SOX6: variants seen among roughly 807,000 people sequenced by gnomAD.
The protein encoded by SOX6 is transcription factor SOX-6.
A neutral mutation model predicts 97.8 loss-of-function variants in SOX6; 11 were observed. The observed-to-expected ratio is 0.11, with a 90% CI of 0.07 to 0.19. SOX6 has a LOEUF of 0.19. Among genes scored for constraint, SOX6 ranks in the 10% least tolerant of loss-of-function variants. The pLI is 1.00. For synonymous variants in SOX6, 360 were observed against 371.4 expected (o/e 0.97, Z 0.35); for missense variants, 810 against 1,039.5 (o/e 0.78, Z 3.04).
intron 2 of SOX6, among the ~76,000 whole-genome samples, chr11:16,333,553 T>G (rs1430931020): frequency 6.6e-6 from 1 of 152,044 alleles, no homozygotes; most frequent in Non-Finnish European, 1.5e-5. Context: ...TGTCCCAAGA[T>G]TAGCTTCCAT....
intron 3 of SOX6, among the ~76,000 whole-genome samples, chr11:16,708,905 T>C (rs1848156478): frequency 6.6e-6 from 1 of 152,234 alleles, no homozygotes; most frequent in Non-Finnish European, 1.5e-5. Context: ...GACATTACTT[T>C]CTGGCAAAAC....
At chr11:16,015,555 A>G (rs1239842874) in intron 12 of SOX6, among the ~76,000 whole-genome samples, 2 of 152,018 alleles carry the variant, frequency 1.3e-5, no homozygotes, top group African/African-American at 4.8e-5. Context: ...GATTGATACT[A>G]CTATTTTGTC....
intron 3 of SOX6, among the ~76,000 whole-genome samples, chr11:16,297,129 AT>A (rs1326822464): frequency 6.6e-6 from 1 of 152,184 alleles, no homozygotes; most frequent in Admixed American, 6.6e-5. Flanking sequence ...AGAATGCAAA[AT>A]AACATTTAAT....
intron 6 of SOX6, among the ~76,000 whole-genome samples, chr11:16,143,616 G>T (rs1850209211): frequency 6.6e-6 from 1 of 152,132 alleles, no homozygotes; most frequent in African/African-American, 2.4e-5. Context: ...CATTTCACGT[G>T]CAGAGACACA....
At chr11:16,024,064 T>G (rs1462716217) in intron 12 of SOX6, among the ~76,000 whole-genome samples, 1 of 152,028 alleles carries the variant, frequency 6.6e-6, no homozygotes, top group East Asian at 1.9e-4. Flanking sequence ...GCTCTTAGGG[T>G]GGGTCCTAAT....
chr11:16,669,594 C>T (rs1368732982), intron 3 of SOX6, among the ~76,000 whole-genome samples: 1 of 152,346 alleles, frequency 6.6e-6, no homozygotes, highest in East Asian at 1.9e-4. Context: ...CTCTGCAATT[C>T]CCTGGACAGA....
At chr11:16,472,763 C>A (rs1205609446) in intron 1 of SOX6, among the ~76,000 whole-genome samples, 2 of 151,950 alleles carry the variant, frequency 1.3e-5, no homozygotes, top group African/African-American at 4.8e-5. Flanking sequence ...TTCAATAGCT[C>A]TGCTTAAATA....
intron 13 of SOX6, among the ~76,000 whole-genome samples, chr11:15,994,221 T>C (rs528824658): frequency 4.3e-4 from 66 of 152,088 alleles, no homozygotes; most frequent in Non-Finnish European, 7.5e-4. Context: ...ACTAACACAA[T>C]TGGAGTGGAC....
chr11:16,116,596 G>A (rs1009414470), intron 6 of SOX6, among the ~76,000 whole-genome samples: 2 of 152,168 alleles, frequency 1.3e-5, no homozygotes, highest in Non-Finnish European at 2.9e-5. Flanking sequence ...TTCCCCAAAT[G>A]ATAACATCTT....
intron 15 of SOX6, among the ~76,000 whole-genome samples, chr11:15,979,585 A>G (rs1853602307): frequency 6.6e-6 from 1 of 152,148 alleles, no homozygotes; most frequent in African/African-American, 2.4e-5. Context: ...TATGAAGACT[A>G]TGGCTTAAAA....
intron 4 of SOX6, among the ~76,000 whole-genome samples, chr11:16,196,763 C>G (rs550824128): frequency 6.6e-6 from 1 of 151,652 alleles, no homozygotes; most frequent in South Asian, 2.1e-4. Context: ...CTTGGACTCT[C>G]AAATGGTAGA....
At chr11:16,612,274 A>T (rs1848407412) in intron 3 of SOX6, 1 of 150,028 alleles carries the variant, frequency 6.7e-6, no homozygotes. Flanking sequence ...AAAAAAAAAA[A>T]ATCTACACGT....
chr11:16,231,145 C>A (rs1225777390), intron 4 of SOX6, among the ~76,000 whole-genome samples: 1 of 151,460 alleles, frequency 6.6e-6, no homozygotes, highest in Non-Finnish European at 1.5e-5. Flanking sequence ...TCTAAACAAA[C>A]CCCCTATAGA....
chr11:16,413,467 A>G (rs1374964727), intron 1 of SOX6, among the ~76,000 whole-genome samples: 1 of 149,328 alleles, frequency 6.7e-6, no homozygotes. Context: ...AGGATCCCAT[A>G]TAACTTAATT....
At chr11:16,490,630 A>C (rs569257370) in intron 4 of SOX6, among the ~76,000 whole-genome samples, 1 of 152,226 alleles carries the variant, frequency 6.6e-6, no homozygotes, top group South Asian at 2.1e-4. Flanking sequence ...AATAGTAATG[A>C]TTAAAAAGTC....
chr11:16,621,930 A>G (rs1273542658), intron 3 of SOX6, among the ~76,000 whole-genome samples: 2 of 152,166 alleles, frequency 1.3e-5, no homozygotes, highest in Non-Finnish European at 2.9e-5. Flanking sequence ...GATTTGACTC[A>G]TTTTTTGCTC....
At chr11:16,234,005 CAA>C (rs751876773) in intron 4 of SOX6, among the ~76,000 whole-genome samples, 15 of 55,912 alleles carry the variant, frequency 2.7e-4, no homozygotes, top group Non-Finnish European at 3.1e-4. Flanking sequence ...GACTGCATCT[CAA>C]AAAAAAAAAA....
intron 3 of SOX6, among the ~76,000 whole-genome samples, chr11:16,662,624 G>T (rs772944798): frequency 7.9e-5 from 12 of 152,022 alleles, no homozygotes; most frequent in Non-Finnish European, 1.5e-4. Flanking sequence ...GCAGAACAAA[G>T]GAGAAAAATA....
chr11:16,555,729 A>G (rs1000663050), intron 4 of SOX6, among the ~76,000 whole-genome samples: 2 of 151,706 alleles, frequency 1.3e-5, no homozygotes, highest in Non-Finnish European at 3.0e-5. Context: ...CCAAAGTTAA[A>G]TCACTGCAAA....
Sources: gnomAD v4.1 joint callset for allele counts (sites outside exome capture counted in the v4.1 genomes callset) on GRCh38, gnomAD v4.1.1 for gene constraint, MANE v1.5 for transcripts, NCBI Gene and HGNC (gene_info 2026-07-23, HGNC 2026-07-21) for gene names.